Variants in TRDN observed in about 807,000 individuals in gnomAD.
TRDN encodes triadin in skeletal muscle.
TRDN carries 161 observed loss-of-function variants against 149.7 expected under a neutral mutation model. The ratio of observed to expected loss-of-function variants is 1.08; its 90% confidence interval spans 0.95 to 1.23. The LOEUF is 1.23. Ranked by LOEUF, TRDN falls within the 50% of genes most tolerant of loss-of-function variation. The probability of loss-of-function intolerance (pLI) is 0.00; values close to 1 mark genes in which losing one functional copy is unlikely to be tolerated. For synonymous variants in TRDN, 294 were observed against 250.5 expected, an observed-to-expected ratio of 1.17 and a Z score of -1.64; for missense variants, 896 against 823.5, an observed-to-expected ratio of 1.09 and a Z score of -1.08.
chr6:123,386,796 TG>T (rs1199765125), intron 14 of TRDN, among the ~76,000 whole-genome samples: 2 of 152,198 alleles, frequency 1.3e-5, no homozygotes, highest in African/African-American at 4.8e-5. Flanking sequence ...CCCTTTTGTT[TG>T]GGCTTCATCC....
intron 9 of TRDN, among the ~76,000 whole-genome samples, chr6:123,479,216 G>T (rs992715231): frequency 6.6e-5 from 10 of 151,920 alleles, no homozygotes; most frequent in African/African-American, 1.9e-4. Flanking sequence ...TATATTTGTG[G>T]TTTTTTTCCC....
At chr6:123,573,140 A>G (rs1782664950) in intron 1 of TRDN, among the ~76,000 whole-genome samples, 1 of 152,048 alleles carries the variant, frequency 6.6e-6, no homozygotes, top group South Asian at 2.1e-4. Flanking sequence ...CATAGATAAG[A>G]GATTGGAATT....
chr6:123,324,100 G>A (rs867461341), intron 23 of TRDN, among the ~76,000 whole-genome samples: 18 of 152,140 alleles, frequency 1.2e-4, no homozygotes, highest in Admixed American at 9.2e-4. Context: ...ACTTACCAAG[G>A]TAAACAAGCA....
chr6:123,366,524 A>AT (rs994234489), intron 19 of TRDN, among the ~76,000 whole-genome samples: 465 of 148,540 alleles, frequency 3.1e-3, no homozygotes, highest in African/African-American at 6.9e-3. Context: ...TTAGTCTACA[A>AT]TTTTTTTTTT....
chr6:123,388,418 A>G (rs1582954092), intron 14 of TRDN, 104 bp downstream of exon 14: 1 of 1,291,254 alleles, frequency 7.7e-7, no homozygotes, highest in East Asian at 2.5e-5. Context: ...TAATAGATCC[A>G]GTTATCCAAG....
intron 12 of TRDN, among the ~76,000 whole-genome samples, chr6:123,414,131 ACTT>A (rs1365411084): frequency 6.6e-6 from 1 of 152,116 alleles, no homozygotes; most frequent in Non-Finnish European, 1.5e-5. Flanking sequence ...ATTTTACATG[ACTT>A]CTTTAATTTT....
intron 24 of TRDN, among the ~76,000 whole-genome samples, chr6:123,309,833 A>G (rs1778748943): frequency 6.6e-6 from 1 of 152,094 alleles, no homozygotes; most frequent in Admixed American, 6.6e-5. Flanking sequence ...ATTTGTTACC[A>G]TAAAATATAC....
At chr6:123,265,619 TCA>T (rs904634965) in intron 32 of TRDN, among the ~76,000 whole-genome samples, 1 of 150,762 alleles carries the variant, frequency 6.6e-6, no homozygotes, top group Non-Finnish European at 1.5e-5. Context: ...TAATCAATGC[TCA>T]CAAAAATCTG....
chr6:123,545,426 A>G (rs1781063294), intron 4 of TRDN, among the ~76,000 whole-genome samples: 1 of 151,950 alleles, frequency 6.6e-6, no homozygotes, highest in African/African-American at 2.4e-5. Context: ...TCCATGAAAG[A>G]AAAGCTTACA....
chr6:123,379,297 T>A lies in TRDN; in HGVS notation c.1187-1399A>T, dbSNP rs182535134. On this transcript the variant is annotated intron_variant, in intron 16 of 40. Transcript: ENST00000334268. ...TAAGTGTGGTATAATGAGCAACTTA[T>A]CCTCTTTTAAGACAGCCTTTAAGCA... Among the ~76,000 whole-genome samples the A allele has an allele frequency of 7.2e-5, 11 of 152,256 alleles. No homozygotes were observed. In the East Asian group the frequency reaches 1.5e-3, roughly 21 times the overall value.
chr6:123,491,831 C>G (rs1357205135), intron 9 of TRDN, among the ~76,000 whole-genome samples: 3 of 152,080 alleles, frequency 2.0e-5, no homozygotes, highest in African/African-American at 7.2e-5. Flanking sequence ...CTATGCCTAC[C>G]TTGGAGCAGG....
chr6:123,452,441 T>A (rs1775832445), intron 10 of TRDN, among the ~76,000 whole-genome samples: 1 of 152,056 alleles, frequency 6.6e-6, no homozygotes, highest in East Asian at 1.9e-4. Flanking sequence ...GCAGTTCTTC[T>A]ATACATCAGC....
chr6:123,256,886 C>A (rs982617338), intron 35 of TRDN, among the ~76,000 whole-genome samples: 7 of 152,044 alleles, frequency 4.6e-5, no homozygotes, highest in East Asian at 1.9e-4. Flanking sequence ...GTCATGAAGT[C>A]TTTGTCCATG....
intron 29 of TRDN, 146 bp downstream of exon 29, chr6:123,272,818 G>T: frequency 3.2e-6 from 2 of 622,564 alleles, no homozygotes; most frequent in South Asian, 2.3e-5. Flanking sequence ...TTCTGAAGAT[G>T]ACTAAAATTG....
intron 12 of TRDN, among the ~76,000 whole-genome samples, chr6:123,427,230 A>T (rs1227160951): frequency 6.6e-6 from 1 of 151,386 alleles, no homozygotes; most frequent in East Asian, 1.9e-4. Flanking sequence ...TATATAGTGA[A>T]CATTTACTAT....
intron 21 of TRDN, chr6:123,352,123 T>C (rs765198753): frequency 2.6e-4 from 256 of 978,224 alleles, no homozygotes; most frequent in Non-Finnish European, 3.0e-4. Flanking sequence ...CTTTTACATA[T>C]TTTTTTTCAA....
At chr6:123,289,890 T>G (rs1777940840) in intron 24 of TRDN, among the ~76,000 whole-genome samples, 1 of 152,020 alleles carries the variant, frequency 6.6e-6, no homozygotes, top group African/African-American at 2.4e-5. Context: ...CCATTGACAA[T>G]AAGAATGTTT....
chr6:123,447,411 T>A (rs934248794), intron 10 of TRDN, among the ~76,000 whole-genome samples: 1 of 152,116 alleles, frequency 6.6e-6, no homozygotes, highest in East Asian at 1.9e-4. Context: ...ACAGTAGACG[T>A]GAAGCATGTG....
chr6:123,512,877 T>C (rs1437469348), intron 6 of TRDN, among the ~76,000 whole-genome samples: 1 of 152,144 alleles, frequency 6.6e-6, no homozygotes, highest in Non-Finnish European at 1.5e-5. Flanking sequence ...ACTGATTTGT[T>C]AGAGGAAAAA....
Sources: gnomAD v4.1 joint callset for allele counts (sites outside exome capture counted in the v4.1 genomes callset) on GRCh38, gnomAD v4.1.1 for gene constraint, MANE v1.5 for transcripts, NCBI Gene and HGNC (gene_info 2026-07-23, HGNC 2026-07-21) for gene names.